Variants in FOXP1 observed in about 807,000 individuals in gnomAD.
The protein encoded by FOXP1 is forkhead box P1, also known as forkhead box protein P1.
In FOXP1, 15 loss-of-function variants were observed where a neutral mutation model predicts 98.2. The observed-to-expected ratio is 0.15, with a 90% CI of 0.10 to 0.24. FOXP1 has a LOEUF of 0.24. Ranked by LOEUF, FOXP1 falls within the 10% of genes least tolerant of loss-of-function variation. FOXP1 has a pLI of 1.00. For synonymous variants in FOXP1, 371 were observed against 314.5 expected (o/e 1.18, Z -1.90); for missense variants, 633 against 848.5 (o/e 0.75, Z 3.15).
chr3:71,396,669 A>G (rs1234345880), intron 3 of FOXP1, among the ~76,000 whole-genome samples: 1 of 149,948 alleles, frequency 6.7e-6, no homozygotes, highest in East Asian at 1.9e-4. Context: ...CCCGTGGCAT[A>G]ATGAACACTT....
intron 3 of FOXP1, among the ~76,000 whole-genome samples, chr3:71,406,405 G>GTATGTGTATATATATATATATATATA (rs2082336447): frequency 9.4e-6 from 1 of 105,948 alleles, no homozygotes. Flanking sequence ...AACTGTATGT[G>GTATGTGTATATATATATATATATATA]TATATATATA....
At position 71,403,714 on chromosome 3, in the gene FOXP1, G is replaced by A. The variant is rs539153153; in HGVS notation, c.-167-44470C>T. 3.9e-5 allele frequency among the ~76,000 whole-genome samples: 6 copies of A among 152,228 alleles called. No homozygotes were observed. In the South Asian group the frequency reaches 1.2e-3, roughly 32 times the overall value. ...AAATACAAAAAAAATAGCCCAATGT[G>A]GTGGCAGGCACCTGTAGTCCCAGCT... On this transcript the variant is annotated intron_variant, in intron 3 of 20. Transcript: ENST00000649528.
intron 6 of FOXP1, among the ~76,000 whole-genome samples, chr3:71,125,835 G>A (rs902590994): frequency 6.6e-6 from 1 of 152,166 alleles, no homozygotes; most frequent in Non-Finnish European, 1.5e-5. Flanking sequence ...CATACATAGT[G>A]GTTGAATGCA....
intron 6 of FOXP1, among the ~76,000 whole-genome samples, chr3:71,196,950 G>C (rs774799213): frequency 6.6e-6 from 1 of 152,140 alleles, no homozygotes; most frequent in South Asian, 2.1e-4. Flanking sequence ...CTTTCGCTTT[G>C]TTGCATCTTT....
chr3:70,969,115 G>T (rs2035615804), intron 19 of FOXP1: 1 of 139,146 alleles, frequency 7.2e-6, no homozygotes, highest in Admixed American at 7.1e-5. Flanking sequence ...GAGGATGGAG[G>T]ATCACTTTTT....
intron 10 of FOXP1, among the ~76,000 whole-genome samples, chr3:71,046,320 G>C (rs910114225): frequency 2.6e-5 from 4 of 152,112 alleles, no homozygotes; most frequent in African/African-American, 9.7e-5. Context: ...CTTTTCATGT[G>C]ATCTCAGTTG....
Position 71,448,424 on chromosome 3 carries a change from G to A in FOXP1, c.-168+45002C>T, listed in dbSNP as rs559501124. ...TGGTACCTCTCCCAAAAGACAAACT[G>A]TACCTATAATAATATCCCTGGACAA... On this transcript the variant is annotated intron_variant, in intron 3 of 20. Coordinates refer to ENST00000649528, the MANE Select transcript of FOXP1 (RefSeq NM_001349338.3). 2.0e-5 allele frequency among the ~76,000 whole-genome samples: 3 copies of A among 152,268 alleles called. No homozygotes were observed. The South Asian group carries it at 6.2e-4, about 32-fold the overall frequency.
At chr3:71,583,464 T>C (rs997999986) in intron 1 of FOXP1, 107 bp downstream of exon 1, 49 of 973,468 alleles carry the variant, frequency 5.0e-5, no homozygotes, top group Admixed American at 6.2e-5. Context: ...TTTCTTTCTT[T>C]CTTTTTTTTT....
intron 6 of FOXP1, among the ~76,000 whole-genome samples, chr3:71,164,772 T>C (rs778199968): frequency 1.8e-4 from 28 of 152,250 alleles, no homozygotes; most frequent in Non-Finnish European, 2.9e-4. Context: ...TAAAGCTTAC[T>C]TTCTCCCTTC....
At chr3:71,248,220 A>T (rs1042930257) in intron 5 of FOXP1, among the ~76,000 whole-genome samples, 10 of 152,344 alleles carry the variant, frequency 6.6e-5, no homozygotes, top group Admixed American at 1.3e-4. Context: ...CTCCTACTCT[A>T]CAATATATGT....
chr3:71,037,841 G>C (rs554501609), intron 11 of FOXP1, among the ~76,000 whole-genome samples: 2 of 152,184 alleles, frequency 1.3e-5, no homozygotes, highest in South Asian at 2.1e-4. Flanking sequence ...CGCTCCTCCC[G>C]TAATAGTGCT....
chr3:71,173,997 G>GA (rs1283419718), intron 6 of FOXP1, among the ~76,000 whole-genome samples: 3 of 152,104 alleles, frequency 2.0e-5, no homozygotes, highest in Admixed American at 2.0e-4. Flanking sequence ...CCTCTACACA[G>GA]AAAAAATACC....
chr3:71,006,297 A>T (rs2042803464), intron 12 of FOXP1, among the ~76,000 whole-genome samples: 1 of 152,126 alleles, frequency 6.6e-6, no homozygotes, highest in Admixed American at 6.6e-5. Flanking sequence ...ACTTCACTCA[A>T]GAGTCAGAGC....
At chr3:71,565,616 T>C (rs1014381329) in intron 2 of FOXP1, among the ~76,000 whole-genome samples, 2 of 152,224 alleles carry the variant, frequency 1.3e-5, no homozygotes, top group Non-Finnish European at 2.9e-5. Flanking sequence ...TAGTATATTT[T>C]CGGTAGTCAA....
In FOXP1 at chr3:71,444,751, G is replaced by A. The variant is rs556741596; in HGVS notation, c.-168+48675C>T. ...GCCTACCCAAGGCTCAGAGGAGTGC[G>A]GCTTCTTCCCTACATCAGATAAGAA... On this transcript the variant is annotated intron_variant, in intron 3 of 20. Coordinates refer to ENST00000649528, the MANE Select transcript of FOXP1 (RefSeq NM_001349338.3). 5.9e-5 allele frequency among the ~76,000 whole-genome samples: 9 copies of A among 152,194 alleles called. No homozygotes were observed. The South Asian group carries it at 6.2e-4, about 11-fold the overall frequency.
intron 4 of FOXP1, among the ~76,000 whole-genome samples, chr3:71,308,338 G>A (rs1347268503): frequency 6.6e-6 from 1 of 152,262 alleles, no homozygotes; most frequent in East Asian, 1.9e-4. Context: ...GATGAAACGC[G>A]AGAGCTATCT....
At chr3:71,005,311 A>AT (rs1433844560) in intron 12 of FOXP1, among the ~76,000 whole-genome samples, 3 of 39,138 alleles carry the variant, frequency 7.7e-5, no homozygotes, top group African/African-American at 2.1e-4. Flanking sequence ...CAAATACCTG[A>AT]TTTAAAAAAA....
At chr3:71,366,045 A>G (rs925597507) in intron 3 of FOXP1, among the ~76,000 whole-genome samples, 2 of 152,218 alleles carry the variant, frequency 1.3e-5, no homozygotes, top group Non-Finnish European at 2.9e-5. Context: ...CTACATGTCC[A>G]GTGATAGAAT....
chr3:71,015,035 TAATGTA>T (rs559473707), intron 12 of FOXP1, among the ~76,000 whole-genome samples: 1 of 151,736 alleles, frequency 6.6e-6, no homozygotes, highest in Non-Finnish European at 1.5e-5. Flanking sequence ...GAGATACACT[TAATGTA>T]AATGAGGAAT....
Sources: gnomAD v4.1 joint callset for allele counts (sites outside exome capture counted in the v4.1 genomes callset) on GRCh38, gnomAD v4.1.1 for gene constraint, MANE v1.5 for transcripts, NCBI Gene and HGNC (gene_info 2026-07-23, HGNC 2026-07-21) for gene names.